The following NLGN1 variants were observed in gnomAD, a reference collection of about 807,000 sequenced individuals.
The protein encoded by NLGN1 is neuroligin 1.
A neutral mutation model predicts 65.5 loss-of-function variants in NLGN1; 12 were observed. The observed-to-expected ratio is 0.18, with a 90% CI of 0.12 to 0.30. The LOEUF (loss-of-function observed/expected upper bound fraction) is 0.30, where lower values mean the gene tolerates loss of function less well. Ranked by LOEUF, NLGN1 falls within the 10% of genes least tolerant of loss-of-function variation. NLGN1 has a pLI of 1.00. For synonymous variants in NLGN1, 350 were observed against 359.5 expected (o/e 0.97, Z 0.30); for missense variants, 750 against 1,007.1 (o/e 0.74, Z 3.46).
intron 4 of NLGN1, among the ~76,000 whole-genome samples, chr3:174,193,312 GA>G (rs778654756): frequency 2.6e-5 from 4 of 152,120 alleles, no homozygotes; most frequent in Non-Finnish European, 5.9e-5. Flanking sequence ...AACTTTTCAA[GA>G]GTACCTTTTC....
At chr3:174,263,310 G>C (rs1277058118) in intron 4 of NLGN1, among the ~76,000 whole-genome samples, 4 of 144,222 alleles carry the variant, frequency 2.8e-5, no homozygotes, top group African/African-American at 1.0e-4. Flanking sequence ...ATTAATGTGT[G>C]GGAGTCTAAG....
chr3:174,045,782 G>A (rs914511756), intron 4 of NLGN1, among the ~76,000 whole-genome samples: 1 of 152,070 alleles, frequency 6.6e-6, no homozygotes, highest in African/African-American at 2.4e-5. Context: ...GACAGTATTT[G>A]AATAAATCTG....
chr3:173,783,976 A>G (rs1781573762), intron 3 of NLGN1, among the ~76,000 whole-genome samples: 1 of 152,186 alleles, frequency 6.6e-6, no homozygotes, highest in Admixed American at 6.5e-5. Flanking sequence ...GCTTAAAATA[A>G]TCTGTGTAAA....
intron 3 of NLGN1, among the ~76,000 whole-genome samples, chr3:173,781,477 C>A (rs1266328520): frequency 6.6e-6 from 1 of 152,084 alleles, no homozygotes; most frequent in East Asian, 1.9e-4. Flanking sequence ...TATGGATTAT[C>A]TTTGATGGGC....
chr3:173,866,266 C>T (rs368461303), intron 4 of NLGN1, among the ~76,000 whole-genome samples: 1 of 152,096 alleles, frequency 6.6e-6, no homozygotes. Context: ...TAGTGATTCT[C>T]GCTTGAACCC....
intron 4 of NLGN1, among the ~76,000 whole-genome samples, chr3:174,255,359 C>G (rs1390540879): frequency 1.4e-5 from 2 of 143,912 alleles, no homozygotes; most frequent in African/African-American, 5.2e-5. Flanking sequence ...GGCCATGAAC[C>G]TGGGAGGCGG....
intron 4 of NLGN1, among the ~76,000 whole-genome samples, chr3:173,985,378 G>T (rs1372041944): frequency 6.6e-6 from 1 of 152,050 alleles, no homozygotes; most frequent in East Asian, 1.9e-4. Flanking sequence ...GCAAGTCCTG[G>T]GTCTCAAAAG....
chr3:173,478,972 A>G (rs771827668), intron 2 of NLGN1, among the ~76,000 whole-genome samples: 5 of 152,182 alleles, frequency 3.3e-5, no homozygotes, highest in Non-Finnish European at 7.3e-5. Flanking sequence ...TACATGAGGC[A>G]TTTCAATGTA....
chr3:174,145,519 AG>A (rs2152694739), intron 4 of NLGN1, among the ~76,000 whole-genome samples: 1 of 152,030 alleles, frequency 6.6e-6, no homozygotes, highest in Admixed American at 6.5e-5. Context: ...CTCAAAAAAA[AG>A]AAAAAGAAAA....
At chr3:173,566,570 G>T (rs1360694810) in intron 2 of NLGN1, among the ~76,000 whole-genome samples, 2 of 151,824 alleles carry the variant, frequency 1.3e-5, no homozygotes, top group African/African-American at 2.4e-5. Context: ...TTTCATTAAG[G>T]CTTACTTATC....
chr3:173,787,635 C>T (rs993705510), intron 3 of NLGN1, among the ~76,000 whole-genome samples: 5 of 152,134 alleles, frequency 3.3e-5, no homozygotes, highest in Admixed American at 2.6e-4. Context: ...CATGAGGCCT[C>T]TTATCCCATA....
intron 2 of NLGN1, among the ~76,000 whole-genome samples, chr3:173,452,461 A>T (rs1467375366): frequency 6.6e-6 from 1 of 152,198 alleles, no homozygotes; most frequent in African/African-American, 2.4e-5. Flanking sequence ...GCAGGATTAC[A>T]GGCGTGAGCC....
intron 3 of NLGN1, among the ~76,000 whole-genome samples, chr3:173,756,110 T>C (rs745338250): frequency 1.5e-4 from 23 of 148,834 alleles, no homozygotes; most frequent in Admixed American, 2.8e-4. Flanking sequence ...GTTAATGATA[T>C]CTACATTAAT....
At position 174,217,223 on chromosome 3, in the gene NLGN1, C is replaced by T. The variant is rs577234572; in HGVS notation, c.647-58092C>T. Among the ~76,000 whole-genome samples, 36 of 152,216 alleles carry T rather than the reference C, an allele frequency of 2.4e-4. No individual in the cohort carries two copies. In the South Asian group the frequency reaches 7.2e-3, roughly 31 times the overall value. ...CTTCCCTTATGTATCAGTAAATATT[C>T]TCTTTTTATAAGGACCACATGCTGC... On this transcript the variant is annotated intron_variant, in intron 4 of 6. Transcript: ENST00000457714.
chr3:174,290,205 C>G (rs185696495), downstream of NLGN1, among the ~76,000 whole-genome samples: 5 of 150,736 alleles, frequency 3.3e-5, no homozygotes, highest in Non-Finnish European at 7.4e-5. Flanking sequence ...GAATCAGCAG[C>G]AAAGACTTTG....
chr3:174,260,953 A>T (rs1202382288), intron 4 of NLGN1, among the ~76,000 whole-genome samples: 2 of 150,782 alleles, frequency 1.3e-5, no homozygotes, highest in Admixed American at 1.3e-4. Flanking sequence ...TCCTTTCCCC[A>T]TTGCTTGTTT....
intron 4 of NLGN1, among the ~76,000 whole-genome samples, chr3:173,900,886 G>A (rs1737230125): frequency 6.6e-6 from 1 of 151,956 alleles, no homozygotes; most frequent in Admixed American, 6.6e-5. Context: ...TACTGACATG[G>A]CGGGAAAGAA....
chr3:174,205,657 G>C (rs1049382913), intron 4 of NLGN1, among the ~76,000 whole-genome samples: 1 of 152,092 alleles, frequency 6.6e-6, no homozygotes, highest in Non-Finnish European at 1.5e-5. Context: ...TAAATCACCT[G>C]TAAGTATGTC....
At chr3:173,439,308 T>C (rs980285750) in intron 2 of NLGN1, among the ~76,000 whole-genome samples, 1 of 152,146 alleles carries the variant, frequency 6.6e-6, no homozygotes, top group African/African-American at 2.4e-5. Flanking sequence ...TAACAAATGG[T>C]TATAAACTTG....
Sources: allele counts gnomAD v4.1 joint callset (sites outside exome capture counted in the v4.1 genomes callset), GRCh38; gene constraint gnomAD v4.1.1; transcripts MANE v1.5; gene names NCBI Gene and HGNC (gene_info 2026-07-23, HGNC 2026-07-21).